Variants in GSPT1 observed in about 807,000 individuals in gnomAD.
The protein encoded by GSPT1 is eukaryotic peptide chain release factor GTP-binding subunit ERF3A.
Under a neutral mutation model 72.5 loss-of-function variants are expected in GSPT1, and 20 were observed. The ratio of observed to expected loss-of-function variants is 0.28; its 90% confidence interval spans 0.19 to 0.40. The LOEUF (loss-of-function observed/expected upper bound fraction) is 0.40, where lower values mean the gene tolerates loss of function less well. GSPT1 is among the 10% of genes least tolerant of loss of function. The pLI is 1.00. For synonymous variants in GSPT1, 334 were observed against 293.5 expected (o/e 1.14, Z -1.41); for missense variants, 580 against 811.9 (o/e 0.71, Z 3.47).
intron 1 of GSPT1, among the ~76,000 whole-genome samples, chr16:11,900,531 C>T (rs1210872007): frequency 6.6e-6 from 1 of 151,990 alleles, no homozygotes; most frequent in East Asian, 1.9e-4. Context: ...CCTTAGGAAA[C>T]AGATCCTGTA....
At chr16:11,888,133 C>T (rs2054207499) in intron 6 of GSPT1, among the ~76,000 whole-genome samples, 3 of 151,530 alleles carry the variant, frequency 2.0e-5, no homozygotes, top group Admixed American at 6.6e-5. Flanking sequence ...CCAGCCTGGG[C>T]GACAGAGCAA....
At chr16:11,893,093 GT>G (rs567277345) in intron 5 of GSPT1, among the ~76,000 whole-genome samples, 1 of 150,880 alleles carries the variant, frequency 6.6e-6, no homozygotes, top group Non-Finnish European at 1.5e-5. Context: ...GTTTTTGTTT[GT>G]TTTTTTTAAG....
At chr16:11,912,215 G>T (rs1185125503) in intron 1 of GSPT1, among the ~76,000 whole-genome samples, 2 of 151,720 alleles carry the variant, frequency 1.3e-5, no homozygotes, top group East Asian at 3.9e-4. Flanking sequence ...GGGCATGATG[G>T]CAGGTGCCTG....
At chr16:11,874,854 T>G (rs2054020635) in intron 14 of GSPT1, among the ~76,000 whole-genome samples, 1 of 152,228 alleles carries the variant, frequency 6.6e-6, no homozygotes, top group Non-Finnish European at 1.5e-5. Flanking sequence ...TAAAGTTTTA[T>G]GTAAAGTCTT....
At chr16:11,898,666 G>A (rs1425259387) in intron 1 of GSPT1, among the ~76,000 whole-genome samples, 1 of 152,014 alleles carries the variant, frequency 6.6e-6, no homozygotes, top group Non-Finnish European at 1.5e-5. Context: ...GGTCAGGCTG[G>A]TTTTGAACTA....
rs1256097836 is a variant in GSPT1, at chr16:11,872,364, G to A, written c.*755C>T. On this transcript the variant is annotated 3_prime_UTR_variant, in exon 15 of 15. Transcript: ENST00000434724. ...CAACTTACTGTGTTCAAGAAATCAT[G>A]TTACAATATAAATTGGCAAAAAAAA... 4 of 146,782 alleles carry A rather than the reference G, an allele frequency of 2.7e-5. No homozygotes were observed. Among genetic ancestry groups the A allele is most frequent in the African/African-American group, 1.0e-4 (4 of 38,934 alleles). 9.1% of individuals were successfully genotyped at this position (146,782 alleles called of 1,614,324 possible).
intron 1 of GSPT1, among the ~76,000 whole-genome samples, chr16:11,898,498 T>C (rs2054367936): frequency 6.8e-6 from 1 of 147,378 alleles, no homozygotes; most frequent in Admixed American, 6.9e-5. Context: ...CAGGCTGGAG[T>C]TGGAGTGCAA....
intron 1 of GSPT1, among the ~76,000 whole-genome samples, chr16:11,905,767 G>A (rs2054481148): frequency 1.3e-5 from 2 of 152,158 alleles, no homozygotes; most frequent in African/African-American, 4.8e-5. Context: ...CCGGGGAGGT[G>A]GAGGTTGCAG....
chr16:11,894,248 C>A (rs1172626283), intron 5 of GSPT1, among the ~76,000 whole-genome samples: 1 of 137,568 alleles, frequency 7.3e-6, no homozygotes, highest in African/African-American at 2.7e-5. Flanking sequence ...TGACACAGTT[C>A]AAAGAAATGG....
At chr16:11,907,519 C>G (rs1326021406) in intron 1 of GSPT1, among the ~76,000 whole-genome samples, 1 of 152,166 alleles carries the variant, frequency 6.6e-6, no homozygotes, top group Non-Finnish European at 1.5e-5. Flanking sequence ...ATTTCAAAAA[C>G]CTTTAAGAAT....
At chr16:11,887,269 T>C (rs1276873184) in intron 7 of GSPT1, among the ~76,000 whole-genome samples, 1 of 152,212 alleles carries the variant, frequency 6.6e-6, no homozygotes, top group Non-Finnish European at 1.5e-5. Context: ...ATGAAACAGA[T>C]GGTTTCCTAT....
chr16:11,876,504 A>AG (rs1567434384), intron 12 of GSPT1, among the ~76,000 whole-genome samples: 2 of 152,068 alleles, frequency 1.3e-5, no homozygotes, highest in Non-Finnish European at 2.9e-5. Flanking sequence ...CCGAGGCGGC[A>AG]GGGGGGCCGG....
At chr16:11,874,328 CTG>C (rs1596453460) in intron 14 of GSPT1, among the ~76,000 whole-genome samples, 1 of 151,912 alleles carries the variant, frequency 6.6e-6, no homozygotes, top group East Asian at 1.9e-4. Flanking sequence ...CCTTAAGTAA[CTG>C]TGAAAAGGCA....
At chr16:11,911,567 T>G (rs1008948711) in intron 1 of GSPT1, among the ~76,000 whole-genome samples, 5 of 150,444 alleles carry the variant, frequency 3.3e-5, no homozygotes, top group African/African-American at 1.2e-4. Context: ...TTTTTTTTTT[T>G]TTTTTGAGAC....
At chr16:11,873,259 TA>T in intron 14 of GSPT1, 88 bp from the exon 15 acceptor site, 1 of 661,866 alleles carries the variant, frequency 1.5e-6, no homozygotes, top group South Asian at 2.0e-5. Flanking sequence ...ATCACAAAAA[TA>T]TTTTTTACAA....
At position 11,877,441 on chromosome 16, in the gene GSPT1, T is replaced by C. The variant is rs1051553897; in HGVS notation, c.1568A>G (p.Asn523Ser). The C allele has an allele frequency of 2.5e-6, 4 of 1,601,060 alleles. No homozygotes were observed. The highest frequency in any genetic ancestry group is 2.6e-6 in the Non-Finnish European group (3 of 1,175,866). Residue 523 changes from asparagine to serine, a missense_variant, in exon 12 of 15, where the codon AAT becomes AGT. By Grantham distance (46) the Asn-to-Ser change is conservative (BLOSUM62 1). This residue lies in a region of GSPT1 where 120 missense variants were observed against 242.5 expected (regional missense o/e 0.49). Transcript: ENST00000434724. This position sits in a 1 kb window ranked among gnomAD's most constrained non-coding sequence, Gnocchi z 4.0. ...AAATGTGCGTCCAGAATGACAAAGA[T>C]TATTAGGATCACAAAGTATAAACCC... ...LPGFILCDPN[N>S]LCHSGRTFDA...
In GSPT1 at chr16:11,915,819, C is replaced by T; in HGVS notation, c.-99G>A. 6.4e-7 allele frequency: 1 copy of T among 1,551,002 alleles called. No individual in the cohort carries two copies. The highest frequency in any genetic ancestry group is 1.1e-5 in the South Asian group (1 of 90,306). On this transcript the variant is annotated 5_prime_UTR_variant, in exon 1 of 15. Coordinates refer to ENST00000434724, the MANE Select transcript of GSPT1 (RefSeq NM_002094.4). The stretch of plus-strand genomic sequence containing the variant: ...GGCAACGCTGACTGAGGGAAGGCGG[C>T]GGGGCAGAAGGGCCGGGAGCTAGCG...
chr16:11,879,870 G>A (rs2054100352), intron 11 of GSPT1, among the ~76,000 whole-genome samples: 1 of 151,890 alleles, frequency 6.6e-6, no homozygotes, highest in Non-Finnish European at 1.5e-5. Context: ...TAAAATACAT[G>A]TAACAAAATT....
intron 1 of GSPT1, among the ~76,000 whole-genome samples, chr16:11,914,141 T>G (rs2054594671): frequency 6.6e-6 from 1 of 152,238 alleles, no homozygotes; most frequent in Non-Finnish European, 1.5e-5. Flanking sequence ...ACTAACGTCC[T>G]GGCTAAATGA....
Sources: gnomAD v4.1 joint callset for allele counts (sites outside exome capture counted in the v4.1 genomes callset) on GRCh38, gnomAD v4.1.1 for gene constraint, gnomAD v4.1.1 regional missense constraint, Gnocchi (gnomAD v3.1) non-coding constraint, MANE v1.5 for transcripts, NCBI Gene and HGNC (gene_info 2026-07-23, HGNC 2026-07-21) for gene names.